Variants in LRRC1 observed in about 807,000 individuals in gnomAD.
LRRC1 encodes the protein leucine-rich repeat-containing protein 1.
LRRC1 carries 28 observed loss-of-function variants against 69.9 expected under a neutral mutation model. The ratio of observed to expected loss-of-function variants is 0.40; its 90% CI spans 0.30 to 0.55. The LOEUF is 0.55. Among genes scored for constraint, LRRC1 ranks in the 20% least tolerant of loss-of-function variants. The pLI, the probability that LRRC1 is intolerant of heterozygous loss-of-function variation, is 0.47. For synonymous variants in LRRC1, 236 were observed against 240.2 expected (o/e 0.98, Z 0.16); for missense variants, 498 against 609.0 (o/e 0.82, Z 1.92).
intron 11 of LRRC1, among the ~76,000 whole-genome samples, chr6:53,917,069 G>T (rs143518125): frequency 6.6e-6 from 1 of 152,266 alleles, no homozygotes; most frequent in East Asian, 1.9e-4. Context: ...GAAGGTACCA[G>T]AATAAACCAA....
At chr6:53,844,381 G>A (rs1765876198) in intron 2 of LRRC1, among the ~76,000 whole-genome samples, 1 of 152,194 alleles carries the variant, frequency 6.6e-6, no homozygotes, top group South Asian at 2.1e-4. Context: ...TATTTGGGCG[G>A]AAGGAAACCA....
chr6:53,842,067 A>G (rs769348733), intron 1 of LRRC1, 43 bp from the exon 2 acceptor site: 5 of 1,257,902 alleles, frequency 4.0e-6, no homozygotes, highest in Non-Finnish European at 5.8e-6. Context: ...AGTTTATGAT[A>G]CAAACATATG....
At chr6:53,807,146 C>T (rs1472891055) in intron 1 of LRRC1, among the ~76,000 whole-genome samples, 2 of 152,170 alleles carry the variant, frequency 1.3e-5, no homozygotes, top group Non-Finnish European at 2.9e-5. Flanking sequence ...GGATCAAAGG[C>T]TACAGCTCTC....
chr6:53,798,460 G>A (rs1440010227), intron 1 of LRRC1, among the ~76,000 whole-genome samples: 1 of 152,162 alleles, frequency 6.6e-6, no homozygotes, highest in African/African-American at 2.4e-5. Flanking sequence ...CTCACTGCAA[G>A]CTCCTCCTTC....
intron 11 of LRRC1, among the ~76,000 whole-genome samples, chr6:53,915,437 C>T (rs901184154): frequency 6.6e-6 from 1 of 152,184 alleles, no homozygotes; most frequent in African/African-American, 2.4e-5. Flanking sequence ...AGTTGAACCT[C>T]GGATTTCTGC....
chr6:53,860,892 G>A (rs144090525), intron 2 of LRRC1, among the ~76,000 whole-genome samples: 68 of 152,272 alleles, frequency 4.5e-4, no homozygotes, highest in Admixed American at 3.0e-3. Context: ...CAACATGGAC[G>A]GAGCTGGAGG....
chr6:53,834,075 C>A (rs1414172698), intron 1 of LRRC1, among the ~76,000 whole-genome samples: 1 of 152,202 alleles, frequency 6.6e-6, no homozygotes, highest in Non-Finnish European at 1.5e-5. Flanking sequence ...GAAACTAGAC[C>A]TAGCTGAGCC....
At chr6:53,861,727 C>A (rs1407585896) in intron 2 of LRRC1, among the ~76,000 whole-genome samples, 1 of 151,938 alleles carries the variant, frequency 6.6e-6, no homozygotes, top group Non-Finnish European at 1.5e-5. Context: ...TGGCCCTGCA[C>A]CCTCCTCTCA....
At chr6:53,812,092 G>C (rs1281544266) in intron 1 of LRRC1, among the ~76,000 whole-genome samples, 1 of 152,240 alleles carries the variant, frequency 6.6e-6, no homozygotes, top group Admixed American at 6.5e-5. Context: ...TGGGGTTTAA[G>C]AAGAAGGTGT....
At chr6:53,900,864 C>T (rs10456675) in intron 8 of LRRC1, among the ~76,000 whole-genome samples, 29 of 152,160 alleles carry the variant, frequency 1.9e-4, no homozygotes, top group Admixed American at 3.3e-4. Flanking sequence ...ATGGAGTTAT[C>T]GTAGGATTGC....
At chr6:53,908,329 C>A (rs1439493933) in intron 10 of LRRC1, among the ~76,000 whole-genome samples, 1 of 152,172 alleles carries the variant, frequency 6.6e-6, no homozygotes, top group African/African-American at 2.4e-5. Context: ...ATAGCATTTG[C>A]AGATCATTCA....
At chr6:53,859,706 C>G (rs1343059437) in intron 2 of LRRC1, among the ~76,000 whole-genome samples, 2 of 152,082 alleles carry the variant, frequency 1.3e-5, no homozygotes, top group East Asian at 3.9e-4. Flanking sequence ...TAGGGAGAGT[C>G]TGGAAATAGG....
At chr6:53,883,433 G>A (rs1161402232) in intron 4 of LRRC1, among the ~76,000 whole-genome samples, 1 of 152,162 alleles carries the variant, frequency 6.6e-6, no homozygotes, top group Non-Finnish European at 1.5e-5. Context: ...TCCAAGAATA[G>A]GGAATGAGAA....
At chr6:53,803,978 T>C (rs1020940720) in intron 1 of LRRC1, among the ~76,000 whole-genome samples, 5 of 152,162 alleles carry the variant, frequency 3.3e-5, no homozygotes, top group Admixed American at 2.0e-4. Context: ...TGAGCAGTTG[T>C]GAGGGCCAGA....
At chr6:53,837,129 G>T (rs1765634536) in intron 1 of LRRC1, among the ~76,000 whole-genome samples, 1 of 151,834 alleles carries the variant, frequency 6.6e-6, no homozygotes, top group Non-Finnish European at 1.5e-5. Flanking sequence ...ATTTATGGGT[G>T]TTTGGGTTTT....
At chr6:53,852,984 C>T (rs1383857849) in intron 2 of LRRC1, among the ~76,000 whole-genome samples, 6 of 152,298 alleles carry the variant, frequency 3.9e-5, no homozygotes, top group Middle Eastern at 6.8e-3. Flanking sequence ...GCAGATTCAG[C>T]GTCTCATGAA....
At position 53,900,670 on chromosome 6, in the gene LRRC1, G is replaced by A. The variant is rs539520318; in HGVS notation, c.787+779G>A. 5.9e-5 allele frequency among the ~76,000 whole-genome samples: 9 copies of A among 152,132 alleles called. No homozygotes were observed. In the South Asian group the frequency reaches 8.3e-4, roughly 14 times the overall value. On this transcript the variant is annotated intron_variant, in intron 8 of 13. Transcript: ENST00000370888. ...TGAATTGAGCCTTTTTTAGTACATCGATCATCCTTTTATCATTCTGTGCTA... is the reference window on the plus strand; with the variant it reads ...TGAATTGAGCCTTTTTTAGTACATCAATCATCCTTTTATCATTCTGTGCTA...
chr6:53,903,601 T>C (rs1768136499), intron 9 of LRRC1, among the ~76,000 whole-genome samples: 4 of 151,920 alleles, frequency 2.6e-5, no homozygotes, highest in Admixed American at 2.6e-4. Flanking sequence ...CTTTTCTCCT[T>C]TCTCTATAAA....
At position 53,882,957 on chromosome 6, in the gene LRRC1, C is replaced by G. The variant is rs765579727; in HGVS notation, c.427C>G (p.Leu143Val). The change falls in exon 4 of 14, where the codon CTA becomes GTA. Residue 143 changes from leucine (L) to valine (V), a missense_variant. Physicochemically the swap from Leu to Val is conservative, Grantham distance 32. Transcript: ENST00000370888. The stretch of plus-strand genomic sequence containing the variant: ...TGTAAATGACATCTCACTACAGTCT[C>G]TACCTGAAAATATTGGCAAGTAAGT... ...LSVNDISLQS[L>V]PENIGNLYNL... The G allele has an allele frequency of 3.1e-6, 5 of 1,609,854 alleles. No homozygotes were observed. In the Admixed American group the frequency reaches 5.1e-5, roughly 16 times the overall value.
Sources: allele counts gnomAD v4.1 joint callset (sites outside exome capture counted in the v4.1 genomes callset), GRCh38; gene constraint gnomAD v4.1.1; transcripts MANE v1.5; gene names NCBI Gene and HGNC (gene_info 2026-07-23, HGNC 2026-07-21).